Variants in LRBA observed in about 807,000 individuals in gnomAD.
LRBA encodes the protein LPS responsive beige-like anchor protein.
Under a neutral mutation model 330.0 loss-of-function variants are expected in LRBA, and 176 were observed. That is an observed-to-expected ratio of 0.53 (90% CI 0.47 to 0.60). The LOEUF (loss-of-function observed/expected upper bound fraction) is 0.60. LRBA is among the 20% of genes least tolerant of loss of function. LRBA has a pLI of 0.00. For missense variants in LRBA, 3,259 were observed against 3,444.8 expected (o/e 0.95, Z 1.35); for synonymous variants, 1,230 against 1,193.0 (o/e 1.03, Z -0.64).
At chr4:150,454,323 C>G (rs1753781159) in intron 44 of LRBA, among the ~76,000 whole-genome samples, 1 of 152,032 alleles carries the variant, frequency 6.6e-6, no homozygotes. Flanking sequence ...ATTAGTGAAA[C>G]TGCTGAACAA....
intron 37 of LRBA, among the ~76,000 whole-genome samples, chr4:150,648,171 A>AAAAAAAAAAAAAAAAAAAC (rs1351965231): frequency 6.9e-6 from 1 of 144,690 alleles, no homozygotes; most frequent in Non-Finnish European, 1.5e-5. Context: ...AAAAAAAAAA[A>AAAAAAAAAAAAAAAAAAAC]AAAAAACTAG....
intron 2 of LRBA, among the ~76,000 whole-genome samples, chr4:151,008,184 A>C (rs1211993337): frequency 6.6e-6 from 1 of 151,570 alleles, no homozygotes; most frequent in African/African-American, 2.4e-5. Context: ...GGGTTCAAGC[A>C]ATTCTCCTGC....
At chr4:150,824,315 T>C (rs1745916353) in intron 30 of LRBA, among the ~76,000 whole-genome samples, 2 of 152,338 alleles carry the variant, frequency 1.3e-5, no homozygotes, top group African/African-American at 2.4e-5. Context: ...TAGTTTTTTA[T>C]GGACTCTTTA....
intron 36 of LRBA, 62 bp from the exon 37 acceptor site, chr4:150,683,779 G>A (rs1290993531): frequency 7.8e-7 from 1 of 1,276,092 alleles, no homozygotes; most frequent in Non-Finnish European, 1.1e-6. Flanking sequence ...AATCCATTAT[G>A]AAATAATCTT....
chr4:150,964,299 CG>C (rs1430285053), intron 2 of LRBA, among the ~76,000 whole-genome samples: 2 of 149,414 alleles, frequency 1.3e-5, no homozygotes, highest in Non-Finnish European at 2.9e-5. Context: ...CCCCTCTGCC[CG>C]GCCGCCACCC....
rs144238686 is a variant in LRBA, at chr4:150,639,688, A to G, written c.5922-40557T>C. Among the ~76,000 whole-genome samples, 281 of 137,864 alleles carry G rather than the reference A, an allele frequency of 2.0e-3. 12 individuals are homozygous for G. The East Asian group carries it at 0.045, about 22-fold the overall frequency. The allele number at this position is 137,864 out of a possible 152,430, so 90.4% of individuals were successfully genotyped here. Reference sequence around the variant, plus strand: ...ACATTACTTTAGAATGTTCTACTGTATATCAGTGAAAGTGACAAACTAGAA... The same window carrying G: ...ACATTACTTTAGAATGTTCTACTGTGTATCAGTGAAAGTGACAAACTAGAA... On this transcript the variant is annotated intron_variant, in intron 37 of 56. Transcript: ENST00000651943.
In LRBA at chr4:150,871,425, C is replaced by T. The variant is rs759038448; in HGVS notation, c.2287G>A (p.Gly763Arg). The change falls in exon 19 of 57, where the codon GGA (glycine) becomes AGA (arginine). Residue 763 changes from glycine to arginine, a missense_variant. Coordinates refer to ENST00000651943, the MANE Select transcript of LRBA (RefSeq NM_001364905.1). The stretch of plus-strand genomic sequence containing the variant: ...CTTTCAGCTAGCAATGAAAACAATC[C>T]ATGTCCAAGCATGACTTCTGCTTTC... ...KRKAEVMLGH[G>R]LFSLLAERLM... 1.9e-6 allele frequency: 3 copies of T among 1,610,372 alleles called. No homozygotes were observed. The highest frequency in any genetic ancestry group is 2.5e-6 in the Non-Finnish European group (3 of 1,177,132).
At chr4:150,677,330 CTG>C (rs1209908479) in intron 37 of LRBA, among the ~76,000 whole-genome samples, 2 of 152,134 alleles carry the variant, frequency 1.3e-5, no homozygotes, top group Non-Finnish European at 2.9e-5. Flanking sequence ...TCAAGAAAAA[CTG>C]GAGACTTGAA....
chr4:150,465,713 C>T (rs1389130270), intron 44 of LRBA, among the ~76,000 whole-genome samples: 1 of 151,978 alleles, frequency 6.6e-6, no homozygotes, highest in Non-Finnish European at 1.5e-5. Context: ...TTTTAGGAGT[C>T]TCTACAAATT....
intron 5 of LRBA, among the ~76,000 whole-genome samples, chr4:150,917,162 A>AT (rs200452588): frequency 0.12 from 18,878 of 151,608 alleles, 1,825 homozygotes; most frequent in South Asian, 0.26. Flanking sequence ...CAAAAAAAAA[A>AT]ATATATATAT....
chr4:150,998,422 T>C (rs972679739), intron 2 of LRBA, among the ~76,000 whole-genome samples: 1 of 151,504 alleles, frequency 6.6e-6, no homozygotes, highest in African/African-American at 2.4e-5. Flanking sequence ...GGCATAATCA[T>C]AGTTCGCTAC....
chr4:150,817,390 T>C (rs1384029554), intron 30 of LRBA, 133 bp from the exon 31 acceptor site: 2 of 768,782 alleles, frequency 2.6e-6, no homozygotes, highest in African/African-American at 1.8e-5. Flanking sequence ...TGATGTACAA[T>C]TTAGACTTTT....
At chr4:150,785,325 C>T (rs1247553160) in intron 34 of LRBA, among the ~76,000 whole-genome samples, 1 of 152,174 alleles carries the variant, frequency 6.6e-6, no homozygotes, top group African/African-American at 2.4e-5. Context: ...CATAGGTTCA[C>T]AGTAGTGATG....
chr4:150,557,645 ATTTGTAG>A (rs1226830328), intron 40 of LRBA, among the ~76,000 whole-genome samples: 1 of 152,140 alleles, frequency 6.6e-6, no homozygotes, highest in East Asian at 1.9e-4. Context: ...TGACCAGGGC[ATTTGTAG>A]AATTCCCCTC....
intron 51 of LRBA, 136 bp downstream of exon 51, chr4:150,315,425 T>G: frequency 1.3e-6 from 1 of 764,250 alleles, no homozygotes; most frequent in South Asian, 1.5e-5. Flanking sequence ...GCTCATTGCA[T>G]TCCAATTTGC....
intron 5 of LRBA, among the ~76,000 whole-genome samples, chr4:150,920,013 T>G (rs1221486699): frequency 6.6e-6 from 1 of 151,098 alleles, no homozygotes; most frequent in African/African-American, 2.4e-5. Flanking sequence ...GCTACAAATC[T>G]AAAATCGACT....
At chr4:150,946,066 G>A (rs1334872465) in intron 2 of LRBA, among the ~76,000 whole-genome samples, 2 of 152,218 alleles carry the variant, frequency 1.3e-5, no homozygotes, top group Admixed American at 6.5e-5. Context: ...CCTAAGTGCT[G>A]GGATTATAGG....
chr4:150,723,923 G>A (rs1729299405), intron 36 of LRBA, among the ~76,000 whole-genome samples: 1 of 152,222 alleles, frequency 6.6e-6, no homozygotes, highest in Admixed American at 6.5e-5. Context: ...GTGGCCTGAA[G>A]GAATCCCCTG....
chr4:150,725,921 T>A (rs548056514), intron 36 of LRBA, among the ~76,000 whole-genome samples: 7 of 152,204 alleles, frequency 4.6e-5, no homozygotes, highest in Non-Finnish European at 8.8e-5. Context: ...GAAGTTGCCA[T>A]TAGTTTTACA....
Sources: allele counts gnomAD v4.1 joint callset (sites outside exome capture counted in the v4.1 genomes callset), GRCh38; gene constraint gnomAD v4.1.1; transcripts MANE v1.5; gene names NCBI Gene and HGNC (gene_info 2026-07-23, HGNC 2026-07-21).